ADD3: variants seen among roughly 807,000 people sequenced by gnomAD.
The protein encoded by ADD3 is gamma-adducin.
A neutral mutation model predicts 80.2 loss-of-function variants in ADD3; 25 were observed. The ratio of observed to expected loss-of-function variants is 0.31; its 90% confidence interval spans 0.23 to 0.44. The LOEUF (loss-of-function observed/expected upper bound fraction) is 0.44, where lower values mean the gene tolerates loss of function less well. Ranked by LOEUF, ADD3 falls within the 20% of genes least tolerant of loss-of-function variation. ADD3 has a pLI of 1.00. For synonymous variants in ADD3, 284 were observed against 289.6 expected (o/e 0.98, Z 0.20); for missense variants, 829 against 847.5 (o/e 0.98, Z 0.27).
chr10:110,083,274 G>A (rs1185753153), intron 1 of ADD3, among the ~76,000 whole-genome samples: 1 of 152,186 alleles, frequency 6.6e-6, no homozygotes. Flanking sequence ...TGGACGGATG[G>A]AGATGAGAGG....
intron 1 of ADD3, among the ~76,000 whole-genome samples, chr10:110,032,983 T>C (rs1228618792): frequency 6.6e-6 from 1 of 152,204 alleles, no homozygotes; most frequent in Admixed American, 6.5e-5. Context: ...ATCCCTAGGC[T>C]TTATAAAAGA....
chr10:110,044,883 A>C (rs1856755587), intron 1 of ADD3, among the ~76,000 whole-genome samples: 1 of 152,266 alleles, frequency 6.6e-6, no homozygotes, highest in South Asian at 2.1e-4. Context: ...GTCAGTCCTC[A>C]AAATAGATTG....
At chr10:110,044,299 T>C (rs1028711279) in intron 1 of ADD3, among the ~76,000 whole-genome samples, 3 of 152,224 alleles carry the variant, frequency 2.0e-5, no homozygotes, top group Non-Finnish European at 4.4e-5. Flanking sequence ...GGACAGCTTA[T>C]GTGAGAATTT....
intron 2 of ADD3, among the ~76,000 whole-genome samples, chr10:110,111,910 TC>T (rs1191481381): frequency 4.2e-5 from 6 of 141,466 alleles, no homozygotes; most frequent in East Asian, 2.0e-4. Context: ...CGAAACTCTG[TC>T]TCAAAAAAAA....
chr10:110,019,018 G>A (rs1306968187), intron 1 of ADD3, among the ~76,000 whole-genome samples: 3 of 152,090 alleles, frequency 2.0e-5, no homozygotes, highest in Non-Finnish European at 4.4e-5. Flanking sequence ...CCCAGCGCTG[G>A]ACAAGGAAAG....
chr10:110,026,700 GA>G (rs779317173), intron 1 of ADD3, among the ~76,000 whole-genome samples: 26 of 151,764 alleles, frequency 1.7e-4, no homozygotes, highest in Admixed American at 4.6e-4. Flanking sequence ...GTTTCCTGGT[GA>G]CAATATTCAT....
In ADD3 at chr10:110,008,208, G is replaced by C. The variant is rs982849552; in HGVS notation, c.-121G>C. 2.0e-5 allele frequency: 3 copies of C among 152,310 alleles called. No homozygotes were observed. The highest frequency in any genetic ancestry group is 4.4e-5 in the Non-Finnish European group (3 of 68,134). The allele number at this position is 152,310 out of a possible 1,614,324, so 9.4% of individuals were successfully genotyped here. ...TCTGGGGCTCTGCGGCGCTTAAGAG[G>C]CGGCCGCAGCGGCGGATCCGGCGGC... is the stretch of plus-strand genomic sequence containing the variant. On this transcript the variant is annotated 5_prime_UTR_variant, in exon 1 of 15. Transcript: ENST00000356080.
intron 12 of ADD3, among the ~76,000 whole-genome samples, chr10:110,127,144 T>A (rs914639462): frequency 1.3e-5 from 2 of 152,200 alleles, no homozygotes; most frequent in Non-Finnish European, 2.9e-5. Flanking sequence ...TTGTTTTTTG[T>A]TTTTTGTTTT....
chr10:110,092,739 CATT>C (rs1175200032), intron 1 of ADD3, among the ~76,000 whole-genome samples: 2 of 151,750 alleles, frequency 1.3e-5, no homozygotes, highest in Non-Finnish European at 2.9e-5. Context: ...GGTGGGGAAA[CATT>C]ATGTTGTATA....
chr10:110,116,393 G>T lies in ADD3; in HGVS notation c.469G>T (p.Ala157Ser). 1.2e-6 allele frequency: 2 copies of T among 1,613,846 alleles called. No homozygotes were observed. The highest frequency in any genetic ancestry group is 1.7e-6 in the Non-Finnish European group (2 of 1,179,920). The change falls in exon 4 of 15, where the codon GCA becomes TCA. Residue 157 changes from alanine to serine, a missense_variant. By Grantham distance (99) the Ala-to-Ser change is moderately conservative (BLOSUM62 1). Transcript: ENST00000356080. Reference protein sequence around the residue: ...LVDLFGWAHLANTYISVRISK... With the variant: ...LVDLFGWAHLSNTYISVRISK... The stretch of plus-strand genomic sequence containing the variant: ...AGACTTGTTTGGATGGGCACACCTG[G>T]CAAATACCTATATCTCAGTGAGTTC...
chr10:110,020,084 C>T (rs528357458), intron 1 of ADD3, among the ~76,000 whole-genome samples: 14 of 152,194 alleles, frequency 9.2e-5, no homozygotes, highest in Non-Finnish European at 1.8e-4. Flanking sequence ...CTCATCTGAA[C>T]TTTATTAGAT....
chr10:110,009,477 CTTGA>C (rs896900831), intron 1 of ADD3, among the ~76,000 whole-genome samples: 1 of 152,080 alleles, frequency 6.6e-6, no homozygotes, highest in Admixed American at 6.5e-5. Context: ...AAGTTAAATA[CTTGA>C]CTGTTAAAAA....
chr10:110,038,213 G>A (rs1273508409), intron 1 of ADD3, among the ~76,000 whole-genome samples: 1 of 151,950 alleles, frequency 6.6e-6, no homozygotes, highest in Non-Finnish European at 1.5e-5. Flanking sequence ...CCAGAATTCA[G>A]TGACTTATTT....
At chr10:110,083,667 G>C (rs1846349641) in intron 1 of ADD3, among the ~76,000 whole-genome samples, 1 of 152,084 alleles carries the variant, frequency 6.6e-6, no homozygotes, top group Non-Finnish European at 1.5e-5. Context: ...CTGAATTTTA[G>C]AAGCCCCAGG....
intron 1 of ADD3, among the ~76,000 whole-genome samples, chr10:110,027,456 G>T (rs1447287487): frequency 6.6e-6 from 1 of 151,938 alleles, no homozygotes; most frequent in Non-Finnish European, 1.5e-5. Context: ...TAAAGAAACG[G>T]GCGGGAAATT....
At chr10:110,096,758 A>T (rs1848215818) in intron 1 of ADD3, among the ~76,000 whole-genome samples, 1 of 152,170 alleles carries the variant, frequency 6.6e-6, no homozygotes, top group East Asian at 1.9e-4. Flanking sequence ...TCCAAACCAG[A>T]TTTAAGGGAT....
intron 1 of ADD3, among the ~76,000 whole-genome samples, chr10:110,081,269 T>C: frequency 6.6e-6 from 1 of 152,180 alleles, no homozygotes. Flanking sequence ...TGACATACAA[T>C]TCCACTTAGC....
At chr10:110,035,887 C>T (rs892541442) in intron 1 of ADD3, among the ~76,000 whole-genome samples, 7 of 152,280 alleles carry the variant, frequency 4.6e-5, no homozygotes, top group Admixed American at 4.6e-4. Flanking sequence ...CGCGGTGGCT[C>T]ATGCCTGTAA....
At position 110,063,769 on chromosome 10, in the gene ADD3, AT is replaced by A. The variant is rs1564914298; in HGVS notation, c.-29-36855del. On this transcript the variant is annotated intron_variant, in intron 1 of 14. Coordinates refer to ENST00000356080, the MANE Select transcript of ADD3 (RefSeq NM_016824.5). ...TATATATATATATATATATATATATATATATATATATATAAAGTGAACACCG... is the reference window on the plus strand; with the variant it reads ...TATATATATATATATATATATATATAATATATATATATAAAGTGAACACCG... 4.9e-4 allele frequency among the ~76,000 whole-genome samples: 46 copies of A among 94,550 alleles called. 1 individual carries two copies. The highest frequency in any genetic ancestry group is 1.4e-3 in the African/African-American group (43 of 30,386). 62.0% of individuals were successfully genotyped at this position (94,550 alleles called of 152,430 possible).
Sources: gnomAD v4.1 joint callset for allele counts (sites outside exome capture counted in the v4.1 genomes callset) on GRCh38, gnomAD v4.1.1 for gene constraint, MANE v1.5 for transcripts, NCBI Gene and HGNC (gene_info 2026-07-23, HGNC 2026-07-21) for gene names.